PXDNL: variants seen among roughly 807,000 people sequenced by gnomAD.
PXDNL encodes peroxidasin like.
In PXDNL, 145 loss-of-function variants were observed where a neutral mutation model predicts 150.8. The ratio of observed to expected loss-of-function variants is 0.96; its 90% CI spans 0.84 to 1.10. The LOEUF is 1.10. Among genes scored for constraint, PXDNL ranks in the 50% least tolerant of loss-of-function variants. The probability of loss-of-function intolerance (pLI) is 0.00; values close to 1 mark genes in which losing one functional copy is unlikely to be tolerated. For synonymous variants in PXDNL, 757 were observed against 725.7 expected (o/e 1.04, Z -0.69); for missense variants, 2,087 against 1,873.9 (o/e 1.11, Z -2.10).
intron 8 of PXDNL, among the ~76,000 whole-genome samples, chr8:51,468,029 A>C (rs894987332): frequency 6.6e-6 from 1 of 152,048 alleles, no homozygotes; most frequent in East Asian, 1.9e-4. Flanking sequence ...TAATAAAAGA[A>C]AGGGATTTTT....
intron 2 of PXDNL, among the ~76,000 whole-genome samples, chr8:51,610,798 A>G (rs1813983076): frequency 6.6e-6 from 1 of 152,198 alleles, no homozygotes. Context: ...GCTGCTGGAC[A>G]CATTTCTCCA....
rs771735032 is a variant in PXDNL at position 51,423,637 on chromosome 8, T to C, written c.1733A>G (p.Tyr578Cys). ...AAAAGAATTCCGAGCCACACATTCA[T>C]ATCTTCCCTGGTCAGGGAACCCTGC... is the stretch of plus-strand genomic sequence containing the variant. ...YDAGFPDQGR[Y>C]ECVARNSFGL... Residue 578 changes from tyrosine (Y) to cysteine (C), a missense_variant, in exon 14 of 23, where the codon TAT becomes TGT. By Grantham distance (194) the Tyr-to-Cys change is radical (BLOSUM62 -2). Coordinates refer to ENST00000356297, the MANE Select transcript of PXDNL (RefSeq NM_144651.5). 6.2e-6 allele frequency: 10 copies of C among 1,613,822 alleles called. No homozygotes were observed. Among genetic ancestry groups the C allele is most frequent in the South Asian group, 3.3e-5 (3 of 91,080 alleles).
chr8:51,470,389 GTATAA>G (rs1810300874), intron 8 of PXDNL, among the ~76,000 whole-genome samples: 1 of 151,816 alleles, frequency 6.6e-6, no homozygotes, highest in Non-Finnish European at 1.5e-5. Flanking sequence ...CAAAAAAGTT[GTATAA>G]TATATTTTAG....
At chr8:51,434,012 C>T (rs1809326502) in intron 12 of PXDNL, among the ~76,000 whole-genome samples, 1 of 152,024 alleles carries the variant, frequency 6.6e-6, no homozygotes, top group South Asian at 2.1e-4. Flanking sequence ...TGAATCTCAG[C>T]TCTTTTAAGA....
chr8:51,789,918 A>G (rs1407522402), intron 1 of PXDNL, among the ~76,000 whole-genome samples: 1 of 152,210 alleles, frequency 6.6e-6, no homozygotes, highest in Non-Finnish European at 1.5e-5. Flanking sequence ...TGCCCTAAAT[A>G]TATATGCAAA....
At chr8:51,652,559 A>T (rs900186091) in intron 2 of PXDNL, among the ~76,000 whole-genome samples, 5 of 152,134 alleles carry the variant, frequency 3.3e-5, no homozygotes, top group African/African-American at 1.2e-4. Flanking sequence ...CCTGAATGCT[A>T]TCATGAGAAA....
Position 51,415,789 on chromosome 8 carries a change from A to G in PXDNL, c.1796-2531T>C, listed in dbSNP as rs188794269. Among the ~76,000 whole-genome samples the G allele has an allele frequency of 1.7e-3, 258 of 152,280 alleles. 1 individual carries two copies. Among genetic ancestry groups the G allele is most frequent in the African/African-American group, 5.7e-3 (236 of 41,510 alleles). On this transcript the variant is annotated intron_variant, in intron 14 of 22. Transcript: ENST00000356297. ...ATTAAAATATATAATACTTAGATGT[A>G]GTATAGTTGTTACATATATAGCAAT...
intron 4 of PXDNL, among the ~76,000 whole-genome samples, chr8:51,513,021 A>G (rs1407020140): frequency 1.3e-5 from 2 of 152,218 alleles, no homozygotes; most frequent in Non-Finnish European, 2.9e-5. Context: ...CATGCTGTGG[A>G]ATGATCCACC....
Position 51,408,190 on chromosome 8 carries a change from C to A in PXDNL, c.3434G>T (p.Gly1145Val), listed in dbSNP as rs1808489877. 3.1e-6 allele frequency: 5 copies of A among 1,613,912 alleles called. No homozygotes were observed. In the South Asian group the frequency reaches 5.5e-5, roughly 18 times the overall value. The change falls in exon 17 of 23, where the codon GGT (glycine) becomes GTT (valine). Residue 1145 changes from glycine (G) to valine (V), a missense_variant. Coordinates refer to ENST00000356297, the MANE Select transcript of PXDNL (RefSeq NM_144651.5). The stretch of plus-strand genomic sequence containing the variant: ...ATATGGTGGGATCCCGTGGTCTCTA[C>A]CCCTTTGAATGATGGTGGCAGCCGA... Reference protein sequence around the residue: ...VDSAATIIQRGRDHGIPPYVD... With the variant: ...VDSAATIIQRVRDHGIPPYVD...
At chr8:51,608,233 C>CA (rs1183417682) in intron 2 of PXDNL, among the ~76,000 whole-genome samples, 1 of 146,146 alleles carries the variant, frequency 6.8e-6, no homozygotes, top group Non-Finnish European at 1.5e-5. Flanking sequence ...ACTAAAAATA[C>CA]AAAAAATTAG....
At chr8:51,804,328 C>A (rs575181873) in intron 1 of PXDNL, among the ~76,000 whole-genome samples, 4 of 152,140 alleles carry the variant, frequency 2.6e-5, no homozygotes, top group Non-Finnish European at 5.9e-5. Flanking sequence ...TTGAGTAGAA[C>A]GGGAGGAAGG....
At chr8:51,427,469 T>A (rs1809137380) in intron 12 of PXDNL, among the ~76,000 whole-genome samples, 1 of 152,122 alleles carries the variant, frequency 6.6e-6, no homozygotes, top group Non-Finnish European at 1.5e-5. Context: ...GTCAAATACT[T>A]CTTATGAACA....
chr8:51,461,482 G>A (rs565975370), intron 8 of PXDNL, among the ~76,000 whole-genome samples: 8 of 152,362 alleles, frequency 5.3e-5, no homozygotes. Context: ...AAGGAGCACA[G>A]GCTGGGCAGT....
chr8:51,790,421 C>G (rs2037500896), intron 1 of PXDNL, among the ~76,000 whole-genome samples: 1 of 152,176 alleles, frequency 6.6e-6, no homozygotes, highest in Non-Finnish European at 1.5e-5. Context: ...CCTTTAAATT[C>G]CTATCTGGTT....
intron 4 of PXDNL, among the ~76,000 whole-genome samples, chr8:51,538,491 T>C (rs1812136669): frequency 6.6e-6 from 1 of 151,954 alleles, no homozygotes; most frequent in Non-Finnish European, 1.5e-5. Context: ...ATCGGCCGGG[T>C]GCAGTGGCTC....
intron 16 of PXDNL, among the ~76,000 whole-genome samples, chr8:51,411,002 T>C (rs561403250): frequency 6.6e-6 from 1 of 152,218 alleles, no homozygotes; most frequent in Non-Finnish European, 1.5e-5. Context: ...TTAATGTAGG[T>C]TCCCTAGATT....
At chr8:51,530,667 G>A (rs77630482) in intron 4 of PXDNL, among the ~76,000 whole-genome samples, 12,428 of 152,008 alleles carry the variant, frequency 0.082, 840 homozygotes, top group East Asian at 0.23. Flanking sequence ...AGTTAGCTCC[G>A]ACCTGTGGCC....
At chr8:51,743,938 AGGAG>A (rs2036934953) in intron 1 of PXDNL, among the ~76,000 whole-genome samples, 2 of 31,040 alleles carry the variant, frequency 6.4e-5, no homozygotes, top group Non-Finnish European at 2.3e-4. Context: ...GAAGGAAGGA[AGGAG>A]AGAAAGAGAG....
intron 1 of PXDNL, among the ~76,000 whole-genome samples, chr8:51,799,863 CCTCA>C: frequency 6.6e-6 from 1 of 152,136 alleles, no homozygotes; most frequent in Non-Finnish European, 1.5e-5. Context: ...CATGCCCAAC[CCTCA>C]CAGCATTACA....
Sources: allele counts gnomAD v4.1 joint callset (sites outside exome capture counted in the v4.1 genomes callset), GRCh38; gene constraint gnomAD v4.1.1; transcripts MANE v1.5; gene names NCBI Gene and HGNC (gene_info 2026-07-23, HGNC 2026-07-21).